Variants in GRID2 observed in about 807,000 individuals in gnomAD.
GRID2 encodes the protein glutamate receptor ionotropic, delta-2.
A neutral mutation model predicts 114.8 loss-of-function variants in GRID2; 33 were observed. That is an observed-to-expected ratio of 0.29 (90% CI 0.22 to 0.38). The LOEUF (loss-of-function observed/expected upper bound fraction) is 0.38. Ranked by LOEUF, GRID2 falls within the 10% of genes least tolerant of loss-of-function variation. The pLI is 1.00. For missense variants in GRID2, 1,184 were observed against 1,257.7 expected (o/e 0.94, Z 0.89); for synonymous variants, 505 against 449.9 (o/e 1.12, Z -1.55).
chr4:92,744,330 G>A (rs1302971173), intron 2 of GRID2, among the ~76,000 whole-genome samples: 3 of 151,596 alleles, frequency 2.0e-5, no homozygotes, highest in Non-Finnish European at 2.9e-5. Flanking sequence ...TCTACTAAAA[G>A]TACAAAAATT....
chr4:93,334,758 A>G (rs1002621463), intron 8 of GRID2, among the ~76,000 whole-genome samples: 4 of 152,058 alleles, frequency 2.6e-5, no homozygotes, highest in African/African-American at 9.7e-5. Context: ...GAGAAACCCC[A>G]TCTCAACTAA....
intron 2 of GRID2, among the ~76,000 whole-genome samples, chr4:92,819,186 A>G (rs938979045): frequency 6.6e-6 from 1 of 152,146 alleles, no homozygotes; most frequent in African/African-American, 2.4e-5. Context: ...GAAAGTGGAT[A>G]ATTTTGGCCA....
rs142433866 is a variant in GRID2, at chr4:92,797,804, C to T, written c.244+207518C>T. Among the ~76,000 whole-genome samples the T allele has an allele frequency of 2.3e-3, 342 of 151,908 alleles. 1 individual carries two copies. Among genetic ancestry groups the T allele is most frequent in the Non-Finnish European group, 3.3e-3 (224 of 67,884 alleles). ...GAAAAAACTCTGTGCACAGACTGGA[C>T]CTATGCAATTGAAACCCATGTTGTT... On this transcript the variant is annotated intron_variant, in intron 2 of 15. Transcript: ENST00000282020.
chr4:93,654,191 A>T (rs1722813305), intron 14 of GRID2, among the ~76,000 whole-genome samples: 2 of 152,076 alleles, frequency 1.3e-5, no homozygotes, highest in South Asian at 4.1e-4. Context: ...TTCTTAAACC[A>T]TGTGTGACTT....
chr4:92,563,139 C>A (rs905927808), intron 1 of GRID2, among the ~76,000 whole-genome samples: 2 of 152,034 alleles, frequency 1.3e-5, no homozygotes, highest in African/African-American at 2.4e-5. Flanking sequence ...AAATTGTCAT[C>A]CCTCCACCAT....
chr4:93,205,275 A>C (rs1201867439), intron 4 of GRID2, among the ~76,000 whole-genome samples: 2 of 151,986 alleles, frequency 1.3e-5, no homozygotes, highest in African/African-American at 4.8e-5. Context: ...TTTAATTATT[A>C]AGTTTCACCT....
intron 2 of GRID2, among the ~76,000 whole-genome samples, chr4:92,899,391 G>T (rs528114174): frequency 6.6e-6 from 1 of 152,188 alleles, no homozygotes; most frequent in African/African-American, 2.4e-5. Flanking sequence ...CTTCCAACAA[G>T]GCATATTCTG....
intron 1 of GRID2, among the ~76,000 whole-genome samples, chr4:92,538,886 CA>C (rs1458957647): frequency 1.3e-5 from 2 of 151,784 alleles, no homozygotes; most frequent in Non-Finnish European, 2.9e-5. Context: ...ACTAAAAATA[CA>C]AAAAATTATC....
intron 8 of GRID2, among the ~76,000 whole-genome samples, chr4:93,256,520 G>A (rs372298822): frequency 8.7e-4 from 132 of 151,714 alleles, no homozygotes; most frequent in African/African-American, 3.0e-3. Context: ...GGTGAATCAT[G>A]GCATAGCAAG....
At chr4:93,482,794 C>A (rs1316732994) in intron 11 of GRID2, among the ~76,000 whole-genome samples, 1 of 151,916 alleles carries the variant, frequency 6.6e-6, no homozygotes, top group Non-Finnish European at 1.5e-5. Flanking sequence ...TCTCTCCCTA[C>A]CACAAAAAGC....
At chr4:92,545,491 T>G (rs536463785) in intron 1 of GRID2, among the ~76,000 whole-genome samples, 1 of 152,320 alleles carries the variant, frequency 6.6e-6, no homozygotes, top group African/African-American at 2.4e-5. Flanking sequence ...AGGTTGATTC[T>G]TTTTGTAAGC....
chr4:93,629,192 T>C (rs1018991910), intron 14 of GRID2, among the ~76,000 whole-genome samples: 14 of 152,260 alleles, frequency 9.2e-5, no homozygotes, highest in African/African-American at 3.1e-4. Context: ...TCAGAGATTT[T>C]AATTCTCAGA....
At chr4:93,202,748 T>G (rs1195029815) in intron 4 of GRID2, among the ~76,000 whole-genome samples, 1 of 152,128 alleles carries the variant, frequency 6.6e-6, no homozygotes, top group East Asian at 1.9e-4. Flanking sequence ...CACAAAGAGC[T>G]CAGAAATTCT....
chr4:93,757,299 G>A (rs936306150), intron 14 of GRID2, among the ~76,000 whole-genome samples: 2 of 152,208 alleles, frequency 1.3e-5, no homozygotes, highest in Admixed American at 6.5e-5. Context: ...CTCCAGCGTG[G>A]TTCTGGTTCT....
At chr4:92,672,584 G>T (rs918278048) in intron 2 of GRID2, among the ~76,000 whole-genome samples, 8 of 152,014 alleles carry the variant, frequency 5.3e-5, no homozygotes, top group Non-Finnish European at 1.0e-4. Flanking sequence ...AAGAGTGTTT[G>T]CTCAGTCCAT....
chr4:93,738,605 G>A (rs1172698474), intron 14 of GRID2, among the ~76,000 whole-genome samples: 1 of 151,990 alleles, frequency 6.6e-6, no homozygotes, highest in Non-Finnish European at 1.5e-5. Flanking sequence ...ATGACTTTGG[G>A]GCTCTAAATT....
Position 93,615,639 on chromosome 4 carries a change from CA to C in GRID2, c.2194-10615del, listed in dbSNP as rs58667569. ...TGCTAATAATAAAAGGCCTTCACCC[CA>C]AAAAAAAAAAAAAAGGAAATTGAGG... On this transcript the variant is annotated intron_variant, in intron 13 of 15. Transcript: ENST00000282020. 7.7e-3 allele frequency among the ~76,000 whole-genome samples: 905 copies of C among 117,346 alleles called. 4 individuals carry two copies. Among genetic ancestry groups the C allele is most frequent in the Middle Eastern group, 0.016 (4 of 244 alleles). The allele number at this position is 117,346 out of a possible 152,430, so 77.0% of individuals were successfully genotyped here. A position where few individuals can be genotyped will look rare whatever the true frequency, so the allele number is the denominator to read the frequency against.
At chr4:93,516,346 A>G (rs1729733304) in intron 13 of GRID2, among the ~76,000 whole-genome samples, 1 of 152,078 alleles carries the variant, frequency 6.6e-6, no homozygotes, top group Admixed American at 6.6e-5. Context: ...CTGCTTTTTC[A>G]TCTGGCACCC....
chr4:93,187,483 C>T (rs1740547825), intron 4 of GRID2, among the ~76,000 whole-genome samples: 1 of 152,112 alleles, frequency 6.6e-6, no homozygotes, highest in African/African-American at 2.4e-5. Context: ...ATCACGTTGG[C>T]CAGGCTGGTC....
Sources: gnomAD v4.1 joint callset for allele counts (sites outside exome capture counted in the v4.1 genomes callset) on GRCh38, gnomAD v4.1.1 for gene constraint, MANE v1.5 for transcripts, NCBI Gene and HGNC (gene_info 2026-07-23, HGNC 2026-07-21) for gene names.